ADGRL3: variants seen among roughly 807,000 people sequenced by gnomAD.
ADGRL3 encodes the protein adhesion G protein-coupled receptor L3.
ADGRL3 carries 62 observed loss-of-function variants against 153.5 expected under a neutral mutation model. The ratio of observed to expected loss-of-function variants is 0.40; its 90% CI spans 0.33 to 0.50. The LOEUF is 0.50. Among genes scored for constraint, ADGRL3 ranks in the 20% least tolerant of loss-of-function variants. The probability of loss-of-function intolerance (pLI) is 0.47; values close to 1 mark genes in which losing one functional copy is unlikely to be tolerated. For synonymous variants in ADGRL3, 710 were observed against 672.5 expected (o/e 1.06, Z -0.86); for missense variants, 1,641 against 1,859.4 (o/e 0.88, Z 2.16).
At chr4:61,372,815 C>A (rs1342673363) in intron 1 of ADGRL3, among the ~76,000 whole-genome samples, 1 of 152,164 alleles carries the variant, frequency 6.6e-6, no homozygotes, top group Non-Finnish European at 1.5e-5. Flanking sequence ...ATGGCGGGCG[C>A]CCCTCCCCCA....
chr4:61,806,276 G>A (rs1319516020), intron 8 of ADGRL3, among the ~76,000 whole-genome samples: 1 of 151,808 alleles, frequency 6.6e-6, no homozygotes, highest in Non-Finnish European at 1.5e-5. Context: ...AGGATGTTTT[G>A]GTTTCATTGT....
At chr4:61,967,872 C>T (rs2099012560) in intron 17 of ADGRL3, among the ~76,000 whole-genome samples, 1 of 152,130 alleles carries the variant, frequency 6.6e-6, no homozygotes, top group Admixed American at 6.5e-5. Context: ...TTATAAAAAA[C>T]AGAGATTTAT....
At chr4:61,397,364 C>T (rs554535915) in intron 2 of ADGRL3, among the ~76,000 whole-genome samples, 2 of 151,978 alleles carry the variant, frequency 1.3e-5, no homozygotes, top group East Asian at 3.9e-4. Context: ...GAGTCACGCT[C>T]CATTTGTGTT....
At chr4:61,293,433 A>T (rs1379803980) in intron 1 of ADGRL3, among the ~76,000 whole-genome samples, 1 of 152,118 alleles carries the variant, frequency 6.6e-6, no homozygotes, top group African/African-American at 2.4e-5. Context: ...TCTAAAATGG[A>T]TTTATTTTCA....
intron 2 of ADGRL3, among the ~76,000 whole-genome samples, chr4:61,486,995 C>T (rs117046209): frequency 1.3e-5 from 2 of 152,270 alleles, no homozygotes; most frequent in East Asian, 3.9e-4. Context: ...GGCCTGTTTA[C>T]GGCATGATTC....
intron 21 of ADGRL3, among the ~76,000 whole-genome samples, chr4:62,022,135 A>G (rs1351026289): frequency 1.3e-5 from 2 of 152,202 alleles, no homozygotes; most frequent in Non-Finnish European, 2.9e-5. Flanking sequence ...TATTGAACAC[A>G]TGAATAATAA....
chr4:61,244,292 A>G lies in ADGRL3; in HGVS notation c.-240+42527A>G, dbSNP rs145781763. 6.6e-4 allele frequency among the ~76,000 whole-genome samples: 100 copies of G among 152,188 alleles called. 2 individuals carry two copies. The East Asian group carries it at 0.019, about 29-fold the overall frequency. On this transcript the variant is annotated intron_variant, in intron 1 of 26. Coordinates refer to ENST00000683033, the MANE Select transcript of ADGRL3 (RefSeq NM_001387552.1). ...CTACTCTCTGGGGCATATTTTCCTT[A>G]TAAAAATGTTTCAATGATATAAATG...
At chr4:61,980,712 A>G (rs2099065298) in intron 18 of ADGRL3, among the ~76,000 whole-genome samples, 1 of 152,186 alleles carries the variant, frequency 6.6e-6, no homozygotes, top group African/African-American at 2.4e-5. Context: ...AAGTGCTGGG[A>G]TTACAGGTGT....
chr4:61,813,879 C>T lies in ADGRL3; in HGVS notation c.1470C>T (p.Pro490=), dbSNP rs775717038. The T allele has an allele frequency of 6.3e-6, 10 of 1,593,934 alleles. No homozygotes were observed. Among genetic ancestry groups the T allele is most frequent in the Non-Finnish European group, 8.6e-6 (10 of 1,161,952 alleles). ...ACCTTGACTCTGAGCTAGAAAGACC[C>T]TCTGTTAAAGGTGAGTTTTTCTTTA... ...PIHLDSELER[P]SVKDISTTGP... The change falls in exon 9 of 27, where the codon CCC becomes CCT. Residue 490 remains proline, a synonymous_variant. Coordinates refer to ENST00000683033, the MANE Select transcript of ADGRL3 (RefSeq NM_001387552.1).
intron 8 of ADGRL3, among the ~76,000 whole-genome samples, chr4:61,752,825 T>TCAGGAGACTGA (rs1462820510): frequency 6.6e-6 from 1 of 152,108 alleles, no homozygotes; most frequent in Non-Finnish European, 1.5e-5. Flanking sequence ...TCCTAGCTAC[T>TCAGGAGACTGA]CAGGAGACTG....
intron 21 of ADGRL3, among the ~76,000 whole-genome samples, chr4:62,014,720 G>A (rs1488378595): frequency 1.3e-5 from 2 of 152,106 alleles, no homozygotes; most frequent in Non-Finnish European, 2.9e-5. Flanking sequence ...TTTTACCACT[G>A]TTCGTAAAAG....
chr4:61,896,825 A>G (rs990626694), intron 11 of ADGRL3, among the ~76,000 whole-genome samples: 3 of 152,138 alleles, frequency 2.0e-5, no homozygotes, highest in Non-Finnish European at 4.4e-5. Flanking sequence ...TGATTTTATT[A>G]CAATGTAGCT....
chr4:61,754,905 T>C (rs989497881), intron 8 of ADGRL3, among the ~76,000 whole-genome samples: 1 of 152,206 alleles, frequency 6.6e-6, no homozygotes, highest in Non-Finnish European at 1.5e-5. Flanking sequence ...TTGCTGAGAA[T>C]GATGGTTACC....
intron 1 of ADGRL3, among the ~76,000 whole-genome samples, chr4:61,328,181 T>G (rs922468589): frequency 4.6e-5 from 7 of 152,210 alleles, no homozygotes; most frequent in African/African-American, 1.7e-4. Flanking sequence ...ACACTGTGAC[T>G]GTGCCTAGTA....
At chr4:61,611,519 C>G (rs2149688248) in intron 5 of ADGRL3, among the ~76,000 whole-genome samples, 1 of 152,162 alleles carries the variant, frequency 6.6e-6, no homozygotes, top group African/African-American at 2.4e-5. Flanking sequence ...CAGAGTGCCT[C>G]TAGGGAGGCA....
intron 10 of ADGRL3, 96 bp from the exon 11 acceptor site, chr4:61,895,635 A>T: frequency 3.1e-6 from 2 of 642,636 alleles, no homozygotes; most frequent in East Asian, 5.8e-5. Context: ...TATCAATTTA[A>T]TTATCTCATT....
chr4:62,042,339 G>A (rs1187425094), intron 24 of ADGRL3, among the ~76,000 whole-genome samples: 1 of 151,864 alleles, frequency 6.6e-6, no homozygotes, highest in African/African-American at 2.4e-5. Flanking sequence ...AATGTAGTAG[G>A]GGAAAAGGGA....
chr4:61,370,637 G>A (rs1026631431), intron 1 of ADGRL3, among the ~76,000 whole-genome samples: 1 of 149,870 alleles, frequency 6.7e-6, no homozygotes, highest in African/African-American at 2.5e-5. Flanking sequence ...GCTGAGGAGA[G>A]CTTTACTTCC....
At chr4:61,838,472 G>A (rs1222823832) in intron 9 of ADGRL3, among the ~76,000 whole-genome samples, 2 of 152,118 alleles carry the variant, frequency 1.3e-5, no homozygotes, top group African/African-American at 4.8e-5. Context: ...TGTCAAGCAG[G>A]TAAACTCAAG....
Sources: gnomAD v4.1 joint callset for allele counts (sites outside exome capture counted in the v4.1 genomes callset) on GRCh38, gnomAD v4.1.1 for gene constraint, MANE v1.5 for transcripts, NCBI Gene and HGNC (gene_info 2026-07-23, HGNC 2026-07-21) for gene names.